PRR5L: variants seen among roughly 807,000 people sequenced by gnomAD.
The protein encoded by PRR5L is proline rich 5 like.
Under a neutral mutation model 36.4 loss-of-function variants are expected in PRR5L, and 21 were observed. The ratio of observed to expected loss-of-function variants is 0.58; its 90% CI spans 0.41 to 0.83. PRR5L has a LOEUF of 0.83. Ranked by LOEUF, PRR5L falls within the 40% of genes least tolerant of loss-of-function variation. The pLI is 0.00. For missense variants in PRR5L, 381 were observed against 473.3 expected, an observed-to-expected ratio of 0.80 and a Z score of 1.81; for synonymous variants, 188 against 197.0, an observed-to-expected ratio of 0.95 and a Z score of 0.38.
intron 4 of PRR5L, among the ~76,000 whole-genome samples, chr11:36,424,778 C>G (rs1858345429): frequency 6.6e-6 from 1 of 151,584 alleles, no homozygotes; most frequent in African/African-American, 2.4e-5. Flanking sequence ...GTTAGAGAAG[C>G]AAAGTTTAAT....
chr11:36,413,869 C>G (rs1202821866), intron 3 of PRR5L, among the ~76,000 whole-genome samples: 3 of 106,994 alleles, frequency 2.8e-5, no homozygotes, highest in Non-Finnish European at 3.6e-5. Flanking sequence ...CCCCTCCCCC[C>G]ACCCCACAAC....
chr11:36,358,368 C>T (rs1257500190), intron 1 of PRR5L, among the ~76,000 whole-genome samples: 1 of 152,176 alleles, frequency 6.6e-6, no homozygotes, highest in Non-Finnish European at 1.5e-5. Context: ...CACCCACCAC[C>T]CTGACCAGTC....
intron 1 of PRR5L, among the ~76,000 whole-genome samples, chr11:36,314,427 G>A (rs770335150): frequency 6.6e-6 from 1 of 152,164 alleles, no homozygotes; most frequent in Non-Finnish European, 1.5e-5. Flanking sequence ...TCTGAGGAGG[G>A]GGTGAGGGGA....
intron 5 of PRR5L, among the ~76,000 whole-genome samples, chr11:36,436,491 C>T (rs1004334918): frequency 6.6e-6 from 1 of 152,168 alleles, no homozygotes; most frequent in Non-Finnish European, 1.5e-5. Flanking sequence ...TCCTGATCCT[C>T]AAAGTGAGTA....
chr11:36,359,882 C>T (rs1368181560), intron 1 of PRR5L, among the ~76,000 whole-genome samples: 2 of 152,074 alleles, frequency 1.3e-5, no homozygotes, highest in African/African-American at 4.8e-5. Context: ...ACTAAAAATA[C>T]AAAAATCAGC....
intron 1 of PRR5L, among the ~76,000 whole-genome samples, chr11:36,345,519 C>T (rs2133483739): frequency 6.6e-6 from 1 of 152,144 alleles, no homozygotes; most frequent in Admixed American, 6.5e-5. Context: ...GAAAAAAAAA[C>T]AGACATAGTT....
At chr11:36,394,078 G>A (rs1228359489) in intron 1 of PRR5L, 2 of 152,184 alleles carry the variant, frequency 1.3e-5, no homozygotes, top group African/African-American at 2.4e-5. Flanking sequence ...CAGTTTGAAC[G>A]GGCTAATACA....
chr11:36,388,987 C>T (rs188528336), intron 1 of PRR5L, among the ~76,000 whole-genome samples: 15 of 152,336 alleles, frequency 9.8e-5, no homozygotes, highest in African/African-American at 3.1e-4. Context: ...GCGTAAGCCA[C>T]CACGATCGGC....
chr11:36,330,134 G>A (rs1455642127), intron 1 of PRR5L, among the ~76,000 whole-genome samples: 4 of 152,092 alleles, frequency 2.6e-5, no homozygotes, highest in African/African-American at 7.2e-5. Flanking sequence ...TACTCAATAA[G>A]AGTTTCTGAA....
chr11:36,370,912 A>G (rs1857192157), intron 1 of PRR5L, among the ~76,000 whole-genome samples: 2 of 151,682 alleles, frequency 1.3e-5, no homozygotes, highest in African/African-American at 2.4e-5. Flanking sequence ...AAAGCAAACA[A>G]AAAAAACAAA....
Position 36,419,249 on chromosome 11 carries a change from C to T in PRR5L, c.246-6C>T. The T allele has an allele frequency of 6.2e-7, 1 of 1,613,820 alleles. No homozygotes were observed. The highest frequency in any genetic ancestry group is 8.5e-7 in the Non-Finnish European group (1 of 1,179,716). On this transcript the variant is annotated splice_polypyrimidine_tract_variant and splice_region_variant and intron_variant, in intron 3 of 8. Transcript: ENST00000530639. Reference sequence around the variant, plus strand: ...TGACGGTGTTTCTCTTCTCCCTTCTCCCCAGGCGGCTGTTGAAGAGTGAAC... The same window carrying T: ...TGACGGTGTTTCTCTTCTCCCTTCTTCCCAGGCGGCTGTTGAAGAGTGAAC...
At chr11:36,359,784 C>A (rs950507628) in intron 1 of PRR5L, among the ~76,000 whole-genome samples, 13 of 152,166 alleles carry the variant, frequency 8.5e-5, no homozygotes, top group South Asian at 6.2e-4. Context: ...GTGGCTCACC[C>A]GTGTAATCCC....
intron 8 of PRR5L, among the ~76,000 whole-genome samples, chr11:36,456,214 A>G (rs890805713): frequency 3.3e-5 from 5 of 152,084 alleles, no homozygotes; most frequent in African/African-American, 1.2e-4. Context: ...TATGTTATGG[A>G]CGCCCAGCTA....
intron 2 of PRR5L, 40 bp from the exon 3 acceptor site, chr11:36,403,257 AG>A (rs751191918): frequency 1.3e-6 from 2 of 1,575,056 alleles, no homozygotes; most frequent in South Asian, 2.2e-5. Flanking sequence ...TGGCCCAAGA[AG>A]GGAGATTCTC....
intron 4 of PRR5L, among the ~76,000 whole-genome samples, chr11:36,429,061 T>G (rs996739452): frequency 2.6e-5 from 4 of 152,172 alleles, no homozygotes; most frequent in Admixed American, 6.5e-5. Flanking sequence ...AAAAAAGATT[T>G]TTTTTCCTAA....
chr11:36,399,020 A>C (rs76741620), intron 1 of PRR5L, among the ~76,000 whole-genome samples: 1 of 152,214 alleles, frequency 6.6e-6, no homozygotes, highest in African/African-American at 2.4e-5. Flanking sequence ...CTGTCTTAGT[A>C]GTGTGACCTT....
At chr11:36,315,507 T>C (rs1230202086) in intron 1 of PRR5L, among the ~76,000 whole-genome samples, 1 of 152,258 alleles carries the variant, frequency 6.6e-6, no homozygotes. Flanking sequence ...ATAAACTTAC[T>C]AATAATTGTC....
intron 4 of PRR5L, among the ~76,000 whole-genome samples, chr11:36,424,502 G>A (rs1023603441): frequency 6.6e-6 from 1 of 152,220 alleles, no homozygotes; most frequent in African/African-American, 2.4e-5. Flanking sequence ...AAACAACGTG[G>A]TATTAAAATA....
At chr11:36,448,812 A>G (rs975507156) in intron 7 of PRR5L, among the ~76,000 whole-genome samples, 22 of 152,112 alleles carry the variant, frequency 1.4e-4, no homozygotes, top group African/African-American at 4.6e-4. Flanking sequence ...TATTTTTCCC[A>G]TCTCACAGCT....
Sources: gnomAD v4.1 joint callset for allele counts (sites outside exome capture counted in the v4.1 genomes callset) on GRCh38, gnomAD v4.1.1 for gene constraint, MANE v1.5 for transcripts, NCBI Gene and HGNC (gene_info 2026-07-23, HGNC 2026-07-21) for gene names.